TNNI3K: variants seen among roughly 807,000 people sequenced by gnomAD.
TNNI3K encodes serine/threonine-protein kinase TNNI3K.
TNNI3K carries 140 observed loss-of-function variants against 114.5 expected under a neutral mutation model. That is an observed-to-expected ratio of 1.22 (90% confidence interval 1.07 to 1.41). TNNI3K has a LOEUF of 1.41. Ranked by LOEUF, TNNI3K falls within the 40% of genes most tolerant of loss-of-function variation. The pLI is 0.00. For missense variants in TNNI3K, 1,125 were observed against 1,007.6 expected, an observed-to-expected ratio of 1.12 and a Z score of -1.58; for synonymous variants, 347 against 347.5, an observed-to-expected ratio of 1.00 and a Z score of 0.02.
intron 20 of TNNI3K, among the ~76,000 whole-genome samples, chr1:74,442,918 T>TA (rs982114486): frequency 3.3e-5 from 5 of 150,874 alleles, no homozygotes; most frequent in South Asian, 2.1e-4. Context: ...GAATCCTGAG[T>TA]AAAAAAATGA....
At chr1:74,465,933 C>T (rs566726176) in intron 21 of TNNI3K, among the ~76,000 whole-genome samples, 14 of 152,314 alleles carry the variant, frequency 9.2e-5, no homozygotes, top group African/African-American at 3.4e-4. Flanking sequence ...CCAGCAGCAG[C>T]AGTAAGCCAC....
At position 74,540,262 on chromosome 1, in the gene TNNI3K, T is replaced by C. The variant is rs762595816; in HGVS notation, c.2380T>C (p.Ser794Pro). ...TGGACAATATTCCTCTCAAGGTCTGTCTTTGGAGGAGATGAAAAGAAGTCT... is the reference window on the plus strand; with the variant it reads ...TGGACAATATTCCTCTCAAGGTCTGCCTTTGGAGGAGATGAAAAGAAGTCT... ...SAGQYSSQGL[S>P]LEEMKRSLQY... Residue 794 changes from serine (S) to proline (P), a missense_variant, in exon 24 of 25, where the codon TCT becomes CCT. Coordinates refer to ENST00000326637, the MANE Select transcript of TNNI3K (RefSeq NM_015978.3). 4 of 1,612,540 alleles carry C rather than the reference T, an allele frequency of 2.5e-6. No individual in the cohort carries two copies. In the Admixed American group the frequency reaches 6.7e-5, roughly 27 times the overall value.
chr1:74,350,112 G>A (rs1409531346), intron 9 of TNNI3K, among the ~76,000 whole-genome samples: 3 of 152,022 alleles, frequency 2.0e-5, no homozygotes, highest in Non-Finnish European at 4.4e-5. Flanking sequence ...GGCATTCGGT[G>A]CTATAAATTT....
intron 21 of TNNI3K, among the ~76,000 whole-genome samples, chr1:74,473,022 C>T (rs576864183): frequency 2.6e-5 from 4 of 152,200 alleles, no homozygotes; most frequent in East Asian, 1.9e-4. Flanking sequence ...CCTATAGGCA[C>T]ATGTGGAAGA....
chr1:74,465,716 G>T (rs1667649537), intron 21 of TNNI3K, among the ~76,000 whole-genome samples: 1 of 152,214 alleles, frequency 6.6e-6, no homozygotes, highest in Admixed American at 6.5e-5. Flanking sequence ...AGCCAGCTGG[G>T]CTCCTGTGTG....
At chr1:74,340,383 A>T (rs530385454) in intron 7 of TNNI3K, among the ~76,000 whole-genome samples, 1 of 152,156 alleles carries the variant, frequency 6.6e-6, no homozygotes, top group Non-Finnish European at 1.5e-5. Flanking sequence ...TCATGCATTC[A>T]ATTTTTCTAA....
At chr1:74,305,591 T>A (rs1557486705) in intron 5 of TNNI3K, among the ~76,000 whole-genome samples, 1 of 152,176 alleles carries the variant, frequency 6.6e-6, no homozygotes, top group Non-Finnish European at 1.5e-5. Flanking sequence ...GGCAGCCGTC[T>A]TCAGCCAAGG....
At chr1:74,512,531 G>A (rs1670281842) in intron 23 of TNNI3K, 1 of 152,172 alleles carries the variant, frequency 6.6e-6, no homozygotes, top group South Asian at 2.1e-4. Flanking sequence ...CTTACCCAAA[G>A]GTCTCACAGC....
chr1:74,327,376 A>C (rs1659965934), intron 5 of TNNI3K, among the ~76,000 whole-genome samples: 1 of 148,450 alleles, frequency 6.7e-6, no homozygotes, highest in Admixed American at 6.8e-5. Context: ...TTTGATAATA[A>C]TACTACTGAT....
intron 11 of TNNI3K, among the ~76,000 whole-genome samples, chr1:74,365,213 C>T (rs975788288): frequency 1.3e-5 from 2 of 152,074 alleles, no homozygotes; most frequent in Non-Finnish European, 2.9e-5. Flanking sequence ...CGTTTCTAAC[C>T]TGTAGATGAC....
chr1:74,362,618 A>C (rs2100502742), intron 11 of TNNI3K, among the ~76,000 whole-genome samples: 1 of 152,284 alleles, frequency 6.6e-6, no homozygotes, highest in African/African-American at 2.4e-5. Context: ...ATAATTATAA[A>C]GCATCTATTG....
intron 17 of TNNI3K, among the ~76,000 whole-genome samples, chr1:74,423,312 G>A (rs1241587752): frequency 4.0e-5 from 6 of 151,768 alleles, no homozygotes; most frequent in African/African-American, 7.3e-5. Context: ...TATAGACTGC[G>A]CTCTTCTAAC....
chr1:74,440,905 T>C (rs1666350383), intron 20 of TNNI3K, among the ~76,000 whole-genome samples: 1 of 152,170 alleles, frequency 6.6e-6, no homozygotes, highest in Middle Eastern at 3.4e-3. Context: ...TATGGTGTTT[T>C]TTCGTAAGAA....
At chr1:74,323,088 C>CT (rs887894679) in intron 5 of TNNI3K, among the ~76,000 whole-genome samples, 1 of 151,418 alleles carries the variant, frequency 6.6e-6, no homozygotes, top group African/African-American at 2.4e-5. Flanking sequence ...ATATGTTTAA[C>CT]TTTTTTTTTC....
chr1:74,465,429 G>A (rs944071249), intron 21 of TNNI3K, among the ~76,000 whole-genome samples: 1 of 152,180 alleles, frequency 6.6e-6, no homozygotes, highest in African/African-American at 2.4e-5. Context: ...GGTGGGCCAG[G>A]TCCCGCAACA....
chr1:74,421,485 T>A (rs1188117653), intron 17 of TNNI3K, among the ~76,000 whole-genome samples: 1 of 152,036 alleles, frequency 6.6e-6, no homozygotes, highest in African/African-American at 2.4e-5. Flanking sequence ...TATAAGCAAT[T>A]TGAGGTAATT....
intron 23 of TNNI3K, among the ~76,000 whole-genome samples, chr1:74,536,222 C>T (rs1646659127): frequency 6.6e-6 from 1 of 152,074 alleles, no homozygotes; most frequent in Admixed American, 6.6e-5. Context: ...GTTTTAAATG[C>T]CCTGGTTCAT....
chr1:74,245,045 C>T lies in TNNI3K; in HGVS notation c.150-4414C>T, dbSNP rs1054294364. On this transcript the variant is annotated intron_variant, in intron 2 of 24. Transcript: ENST00000326637. ...CCATGATGAATAAAAATTATGTATA[C>T]ATAGAAAACAGACATCTGAAAGTAA... 1.6e-4 allele frequency among the ~76,000 whole-genome samples: 24 copies of T among 152,056 alleles called. 2 individuals carry two copies. The highest frequency in any genetic ancestry group is 1.3e-3 in the Admixed American group (20 of 15,268).
intron 5 of TNNI3K, among the ~76,000 whole-genome samples, chr1:74,317,914 C>T (rs891284859): frequency 2.4e-4 from 36 of 152,298 alleles, no homozygotes; most frequent in African/African-American, 8.7e-4. Flanking sequence ...CTGCATATCT[C>T]TGCTGTTCTT....
Sources: allele counts gnomAD v4.1 joint callset (sites outside exome capture counted in the v4.1 genomes callset), GRCh38; gene constraint gnomAD v4.1.1; transcripts MANE v1.5; gene names NCBI Gene and HGNC (gene_info 2026-07-23, HGNC 2026-07-21).